Variants in BLNK observed in about 807,000 individuals in gnomAD.
BLNK encodes the protein B-cell linker protein.
BLNK carries 29 observed loss-of-function variants against 73.5 expected under a neutral mutation model. The ratio of observed to expected loss-of-function variants is 0.39; its 90% CI spans 0.29 to 0.54. The LOEUF is 0.54. BLNK is among the 20% of genes least tolerant of loss of function. BLNK has a pLI of 0.61. For synonymous variants in BLNK, 176 were observed against 200.8 expected (o/e 0.88, Z 1.04); for missense variants, 460 against 562.8 (o/e 0.82, Z 1.85).
At chr10:96,206,986 C>T (rs781868087) in intron 11 of BLNK, 25 bp downstream of exon 11, 2 of 1,608,594 alleles carry the variant, frequency 1.2e-6, no homozygotes, top group African/African-American at 2.7e-5. Flanking sequence ...AGGACATGCT[C>T]ATCCTTCAAA....
chr10:96,212,326 C>T (rs782465102), intron 8 of BLNK, among the ~76,000 whole-genome samples: 4 of 150,908 alleles, frequency 2.7e-5, no homozygotes, highest in Non-Finnish European at 5.9e-5. Flanking sequence ...GCAGGTTGAA[C>T]AAGGGATTCT....
At chr10:96,263,248 T>C (rs1446093889) in intron 1 of BLNK, among the ~76,000 whole-genome samples, 1 of 152,176 alleles carries the variant, frequency 6.6e-6, no homozygotes, top group Admixed American at 6.5e-5. Flanking sequence ...CAGGACCCTG[T>C]GCGACTGTAT....
chr10:96,270,188 G>A (rs973109484), intron 1 of BLNK, among the ~76,000 whole-genome samples: 1 of 152,166 alleles, frequency 6.6e-6, no homozygotes, highest in African/African-American at 2.4e-5. Context: ...GTTGCCTACT[G>A]ATCCCAGATC....
intron 3 of BLNK, chr10:96,238,963 T>G (rs1245328158): frequency 2.0e-5 from 8 of 395,316 alleles, no homozygotes; most frequent in Non-Finnish European, 3.6e-5. Flanking sequence ...ATGTAAATTC[T>G]GATCCAGTAG....
At chr10:96,225,468 G>A (rs1842212896) in intron 5 of BLNK, among the ~76,000 whole-genome samples, 1 of 152,144 alleles carries the variant, frequency 6.6e-6, no homozygotes, top group Non-Finnish European at 1.5e-5. Context: ...CCTCTTTCTG[G>A]TGGTGTGGCT....
chr10:96,244,898 A>G (rs981767747), intron 2 of BLNK, among the ~76,000 whole-genome samples: 1 of 152,192 alleles, frequency 6.6e-6, no homozygotes, highest in Admixed American at 6.5e-5. Context: ...AAAACTGGCA[A>G]CTGGGGGCCA....
intron 3 of BLNK, among the ~76,000 whole-genome samples, chr10:96,241,797 C>CACATCTCACTGCAGCCTTGACCT (rs1426879099): frequency 1.3e-5 from 2 of 151,036 alleles, no homozygotes; most frequent in Non-Finnish European, 2.9e-5. Context: ...GTAGCATGAT[C>CACATCTCACTGCAGCCTTGACCT]ACATCTCACT....
chr10:96,191,658 G>A lies in BLNK; in HGVS notation c.*315C>T, dbSNP rs1329865378. Reference sequence around the variant, plus strand: ...TAAATTTCCAGCCACTTTGTTTTATGCAAGAGCATTATTTTCTTATTTTGA... The same window carrying A: ...TAAATTTCCAGCCACTTTGTTTTATACAAGAGCATTATTTTCTTATTTTGA... On this transcript the variant is annotated 3_prime_UTR_variant, in exon 17 of 17. Transcript: ENST00000224337. 8.6e-6 allele frequency: 2 copies of A among 232,752 alleles called. No homozygotes were observed. Among genetic ancestry groups the A allele is most frequent in the African/African-American group, 4.7e-5 (2 of 42,690 alleles). The allele number at this position is 232,752 out of a possible 1,614,324, so 14.4% of individuals were successfully genotyped here. A position where few individuals can be genotyped will look rare whatever the true frequency, so the allele number is the denominator to read the frequency against.
chr10:96,248,285 C>T (rs1239156980), intron 1 of BLNK, among the ~76,000 whole-genome samples: 1 of 152,124 alleles, frequency 6.6e-6, no homozygotes, highest in East Asian at 1.9e-4. Flanking sequence ...ACAAAGAAAT[C>T]TTACAACTCA....
In BLNK at chr10:96,192,527, C is replaced by T. The variant is rs79350973; in HGVS notation, c.1252-435G>A. On this transcript the variant is annotated intron_variant, in intron 16 of 16. Coordinates refer to ENST00000224337, the MANE Select transcript of BLNK (RefSeq NM_013314.4). ...AAATTTAGTACAAGGAAATAGTCAT[C>T]TCCTAAACAAAATTATGTTTTGTTT... 8.1e-3 allele frequency among the ~76,000 whole-genome samples: 1,227 copies of T among 152,196 alleles called. 12 individuals carry two copies. The highest frequency in any genetic ancestry group is 0.034 in the Middle Eastern group (10 of 294).
chr10:96,189,698 A>AATCATCATC lies in BLNK; in HGVS notation c.*2266_*2274dup, dbSNP rs150495829. ...TTTTCTTCAGTTTCCTCATCATCAA[A>AATCATCATC]ATCATCATCATCATCATCATCATCA... On this transcript the variant is annotated 3_prime_UTR_variant, in exon 17 of 17. Coordinates refer to ENST00000224337, the MANE Select transcript of BLNK (RefSeq NM_013314.4). The AATCATCATC allele has an allele frequency of 1.7e-3, 1,112 of 655,542 alleles. 9 individuals are homozygous for AATCATCATC. Among genetic ancestry groups the AATCATCATC allele is most frequent in the African/African-American group, 1.0e-2 (548 of 54,816 alleles). The allele number at this position is 655,542 out of a possible 1,614,324, so 40.6% of individuals were successfully genotyped here.
intron 1 of BLNK, among the ~76,000 whole-genome samples, chr10:96,262,542 G>A (rs1188271789): frequency 6.6e-6 from 1 of 152,198 alleles, no homozygotes; most frequent in Non-Finnish European, 1.5e-5. Context: ...ATCCACATCT[G>A]CCTGATTCTT....
Position 96,215,185 on chromosome 10 carries a change from T to C in BLNK, c.676+136A>G, listed in dbSNP as rs2084035593. 2.4e-5 allele frequency: 23 copies of C among 954,478 alleles called. 1 individual carries two copies. The highest frequency in any genetic ancestry group is 2.2e-4 in the South Asian group (16 of 72,930). 59.1% of individuals were successfully genotyped at this position (954,478 alleles called of 1,614,324 possible). ...CTTCCACACACGTGCCACCAGACAG[T>C]GCATGAGGATGAGGACTGGCCTTCT... On this transcript the variant is annotated intron_variant, in intron 8 of 16. Transcript: ENST00000224337.
At position 96,242,730 on chromosome 10, in the gene BLNK, C is replaced by T; in HGVS notation, c.163+5G>A. The T allele has an allele frequency of 1.2e-6, 2 of 1,612,788 alleles. No homozygotes were observed. Among genetic ancestry groups the T allele is most frequent in the South Asian group, 1.1e-5 (1 of 91,030 alleles). The stretch of plus-strand genomic sequence containing the variant: ...GTCAGTTAAAGTATCTGAGAAATAC[C>T]TTACCTGAAGCGTAGTCCCTTCGAG... On this transcript the variant is annotated splice_donor_5th_base_variant and intron_variant, in intron 3 of 16. Transcript: ENST00000224337.
chr10:96,207,881 T>C lies in BLNK; in HGVS notation c.765A>G (p.Pro255=). The C allele has an allele frequency of 6.2e-7, 1 of 1,614,154 alleles. No individual in the cohort carries two copies. The highest frequency in any genetic ancestry group is 8.5e-7 in the Non-Finnish European group (1 of 1,179,998). Residue 255 remains proline, a synonymous_variant, in exon 10 of 17, where the codon CCA becomes CCG. Coordinates refer to ENST00000224337, the MANE Select transcript of BLNK (RefSeq NM_013314.4). The part of the protein sequence containing the change: ...LPRAGKKPTT[P]LKTTPVASQQ... The stretch of plus-strand genomic sequence containing the variant: ...TGCAAAATTAACTTACTGTCTTCAG[T>C]GGTGTCGTTGGTTTTTTCCTGGGGA...
chr10:96,236,770 G>A (rs1336861132), intron 3 of BLNK, among the ~76,000 whole-genome samples: 5 of 152,178 alleles, frequency 3.3e-5, no homozygotes, highest in Non-Finnish European at 7.4e-5. Context: ...AGGCTGCAGT[G>A]AGCCATGATT....
Position 96,191,849 on chromosome 10 carries a change from T to A in BLNK, c.*124A>T. ...ATGGATGACCACTTCAATAGCTGAC[T>A]CCATCTTCCATTTTATTACTGGATG... On this transcript the variant is annotated 3_prime_UTR_variant, in exon 17 of 17. Coordinates refer to ENST00000224337, the MANE Select transcript of BLNK (RefSeq NM_013314.4). 7.6e-7 allele frequency: 1 copy of A among 1,323,170 alleles called. No individual in the cohort carries two copies. The highest frequency in any genetic ancestry group is 1.1e-6 in the Non-Finnish European group (1 of 928,608). 82.0% of individuals were successfully genotyped at this position (1,323,170 alleles called of 1,614,324 possible). A position where few individuals can be genotyped will look rare whatever the true frequency, so the allele number is the denominator to read the frequency against.
chr10:96,197,528 G>C (rs2083499524), intron 15 of BLNK, among the ~76,000 whole-genome samples: 1 of 152,104 alleles, frequency 6.6e-6, no homozygotes, highest in South Asian at 2.1e-4. Flanking sequence ...TTAGAAATAT[G>C]TGAAGGGACA....
At chr10:96,268,215 A>C (rs1554914723) in intron 1 of BLNK, among the ~76,000 whole-genome samples, 1 of 152,202 alleles carries the variant, frequency 6.6e-6, no homozygotes, top group Admixed American at 6.5e-5. Context: ...ATCAATTGGG[A>C]GGTTATTAAA....
Sources: gnomAD v4.1 joint callset for allele counts (sites outside exome capture counted in the v4.1 genomes callset) on GRCh38, gnomAD v4.1.1 for gene constraint, MANE v1.5 for transcripts, NCBI Gene and HGNC (gene_info 2026-07-23, HGNC 2026-07-21) for gene names.